Variants in RMC1 observed in about 807,000 individuals in gnomAD.
The protein encoded by RMC1 is regulator of MON1-CCZ1.
Under a neutral mutation model 95.5 loss-of-function variants are expected in RMC1, and 44 were observed. The observed-to-expected ratio is 0.46, with a 90% confidence interval of 0.36 to 0.59. The LOEUF (loss-of-function observed/expected upper bound fraction) is 0.59. Among genes scored for constraint, RMC1 ranks in the 20% least tolerant of loss-of-function variants. The probability of loss-of-function intolerance (pLI) is 0.00; values close to 1 mark genes in which losing one functional copy is unlikely to be tolerated. For missense variants in RMC1, 705 were observed against 819.6 expected (o/e 0.86, Z 1.71); for synonymous variants, 320 against 303.6 (o/e 1.05, Z -0.56).
At chr18:23,529,354 G>A (rs1187195597) in intron 15 of RMC1, 56 bp downstream of exon 15, 2 of 1,563,644 alleles carry the variant, frequency 1.3e-6, no homozygotes, top group Non-Finnish European at 8.6e-7. Flanking sequence ...CAAGGAAGTT[G>A]CTGAAAACGA....
intron 10 of RMC1, 63 bp from the exon 11 acceptor site, chr18:23,524,067 A>G: frequency 6.6e-7 from 1 of 1,520,404 alleles, no homozygotes; most frequent in Non-Finnish European, 9.1e-7. Context: ...TTTGTGTCAT[A>G]AGTACCAGCA....
chr18:23,505,415 C>G (rs1217613383), intron 2 of RMC1, among the ~76,000 whole-genome samples: 1 of 152,132 alleles, frequency 6.6e-6, no homozygotes, highest in African/African-American at 2.4e-5. Flanking sequence ...TTGGGGAACT[C>G]TGGGTCTGTG....
rs2058083341 is a variant in RMC1, at chr18:23,519,180, A to G, written c.849+6A>G. The stretch of plus-strand genomic sequence containing the variant: ...TGCATCATCAGGATACAGAGGTACA[A>G]GCTGTCTGCGTTTCTACCAAAGTTA... On this transcript the variant is annotated splice_donor_region_variant and intron_variant, in intron 9 of 19. Transcript: ENST00000269221. 5 of 1,611,174 alleles carry G rather than the reference A, an allele frequency of 3.1e-6. No homozygotes were observed. The highest frequency in any genetic ancestry group is 1.1e-5 in the South Asian group (1 of 91,032).
intron 3 of RMC1, among the ~76,000 whole-genome samples, 199 bp downstream of exon 3, chr18:23,507,253 TTTAAA>T (rs1327068074): frequency 2.0e-5 from 3 of 152,186 alleles, no homozygotes; most frequent in East Asian, 1.9e-4. Flanking sequence ...TAGTTTGATT[TTTAAA>T]TTAAATTAAA....
intron 5 of RMC1, among the ~76,000 whole-genome samples, chr18:23,513,154 A>G (rs1342313865): frequency 2.0e-5 from 3 of 152,042 alleles, no homozygotes; most frequent in Admixed American, 1.3e-4. Flanking sequence ...GGATTTCACC[A>G]TGTTGGCCAA....
chr18:23,516,468 TAATATA>T, intron 7 of RMC1, 45 bp downstream of exon 7: 1 of 1,575,188 alleles, frequency 6.3e-7, no homozygotes, highest in Non-Finnish European at 8.7e-7. Flanking sequence ...TTGCTTTCAG[TAATATA>T]AATAATAGAA....
At position 23,530,465 on chromosome 18, in the gene RMC1, CG is replaced by C; in HGVS notation, c.1751del (p.Gly584AlafsTer14). On this transcript the variant is annotated frameshift_variant, in exon 19 of 20. Transcript: ENST00000269221. LOFTEE classifies it high-confidence loss of function. ...AGTGTTAGCTGCCTTAAGGTTTATC[CG>C]GGGCATTGGTGGCCATGACAACATT... is the stretch of plus-strand genomic sequence containing the variant. ...HQVLAALRFI[R>X]GIGGHDNISA... 6.2e-7 allele frequency: 1 copy of C among 1,614,210 alleles called. No individual in the cohort carries two copies. The highest frequency in any genetic ancestry group is 8.5e-7 in the Non-Finnish European group (1 of 1,180,048).
intron 10 of RMC1, 96 bp from the exon 11 acceptor site, chr18:23,524,034 A>C (rs746714905): frequency 7.7e-7 from 1 of 1,293,458 alleles, no homozygotes; most frequent in Non-Finnish European, 1.1e-6. Context: ...AACATTTCGT[A>C]ATGACATTAA....
chr18:23,528,173 T>C, intron 14 of RMC1: 2 of 319,732 alleles, frequency 6.3e-6, no homozygotes, highest in Admixed American at 4.6e-5. Context: ...TGTAGATCCT[T>C]GGTCTACTGT....
intron 10 of RMC1, among the ~76,000 whole-genome samples, chr18:23,521,259 T>C (rs902396866): frequency 8.5e-5 from 13 of 152,196 alleles, no homozygotes; most frequent in African/African-American, 2.9e-4. Flanking sequence ...TGGGAGGAAA[T>C]AGAATAATTT....
At chr18:23,524,899 T>C (rs1425453488) in intron 12 of RMC1, among the ~76,000 whole-genome samples, 2 of 151,274 alleles carry the variant, frequency 1.3e-5, no homozygotes, top group African/African-American at 4.9e-5. Flanking sequence ...CTCCTCAGTC[T>C]GTTAATTGTC....
chr18:23,504,458 A>G lies in RMC1; in HGVS notation c.179+11A>G. ...TCCCATCTCATTTAGGTAATGGTAT[A>G]GACACTTTCAGATCATTTTGTCATG... On this transcript the variant is annotated intron_variant, in intron 2 of 19. Transcript: ENST00000269221. 6.3e-7 allele frequency: 1 copy of G among 1,582,790 alleles called. No homozygotes were observed. Among genetic ancestry groups the G allele is most frequent in the Non-Finnish European group, 8.7e-7 (1 of 1,152,004 alleles).
intron 19 of RMC1, 111 bp downstream of exon 19, chr18:23,530,723 T>C: frequency 1.0e-6 from 1 of 966,470 alleles, no homozygotes; most frequent in Non-Finnish European, 1.5e-6. Flanking sequence ...AACAACACAA[T>C]TTGATAACAG....
At chr18:23,514,489 GGAGGTTGCGGTGAGCC>G (rs1281964217) in intron 5 of RMC1, among the ~76,000 whole-genome samples, 9 of 152,144 alleles carry the variant, frequency 5.9e-5, no homozygotes, top group Admixed American at 5.9e-4. Flanking sequence ...CGTGGGAGGT[GGAGGTTGCGGTGAGCC>G]GAGATTGTGC....
chr18:23,530,615 G>A lies in RMC1; in HGVS notation c.1894+3G>A. The A allele has an allele frequency of 1.2e-6, 2 of 1,611,868 alleles. No individual in the cohort carries two copies. The highest frequency in any genetic ancestry group is 1.7e-6 in the Non-Finnish European group (2 of 1,178,500). ...AGGGAGCCCCAATTTCACACCAGGT[G>A]AGAATGCAATGAAAAGACTTGGGGT... On this transcript the variant is annotated splice_donor_region_variant and intron_variant, in intron 19 of 19. Transcript: ENST00000269221.
intron 8 of RMC1, 25 bp from the exon 9 acceptor site, chr18:23,519,042 ATC>A (rs1455493134): frequency 6.2e-7 from 1 of 1,612,884 alleles, no homozygotes; most frequent in African/African-American, 1.3e-5. Context: ...CAGCTTGTTG[ATC>A]TGTTTTTTGC....
chr18:23,516,250 T>G, intron 6 of RMC1, 70 bp from the exon 7 acceptor site: 3 of 1,538,606 alleles, frequency 1.9e-6, no homozygotes, highest in Non-Finnish European at 2.7e-6. Flanking sequence ...CTTGTTGGTT[T>G]TACACAGGGA....
At chr18:23,530,908 G>C (rs989223371) in intron 19 of RMC1, among the ~76,000 whole-genome samples, 12 of 152,152 alleles carry the variant, frequency 7.9e-5, no homozygotes, top group Non-Finnish European at 1.5e-4. Context: ...CTTAAAGCCA[G>C]GAATAAGACG....
At chr18:23,531,521 TAAAG>T in intron 19 of RMC1, 100 bp from the exon 20 acceptor site, 11 of 1,515,478 alleles carry the variant, frequency 7.3e-6, no homozygotes, top group Non-Finnish European at 8.8e-6. Flanking sequence ...TGTATTTTAT[TAAAG>T]AAAAATAAGT....
Sources: allele counts gnomAD v4.1 joint callset (sites outside exome capture counted in the v4.1 genomes callset), GRCh38; gene constraint gnomAD v4.1.1; transcripts MANE v1.5; gene names NCBI Gene and HGNC (gene_info 2026-07-23, HGNC 2026-07-21).